LIMK1: variants seen among roughly 807,000 people sequenced by gnomAD.
LIMK1 encodes the protein LIM motif-containing protein kinase.
In LIMK1, 21 loss-of-function variants were observed where a neutral mutation model predicts 77.6. The ratio of observed to expected loss-of-function variants is 0.27; its 90% CI spans 0.19 to 0.39. The LOEUF (loss-of-function observed/expected upper bound fraction) is 0.39, where lower values mean the gene tolerates loss of function less well. LIMK1 is among the 10% of genes least tolerant of loss of function. LIMK1 has a pLI of 1.00. For missense variants in LIMK1, 696 were observed against 901.6 expected, an observed-to-expected ratio of 0.77 and a Z score of 2.92; for synonymous variants, 358 against 370.0, an observed-to-expected ratio of 0.97 and a Z score of 0.37.
At chr7:74,098,959 TG>T (rs2115670571) in intron 4 of LIMK1, 72 bp from the exon 5 acceptor site, 8 of 1,201,444 alleles carry the variant, frequency 6.7e-6, no homozygotes, top group African/African-American at 4.5e-5. Context: ...AGCCTGGGGC[TG>T]GGGGCTGCAG....
At chr7:74,085,970 C>CTTAA (rs782076380) in intron 2 of LIMK1, 126 bp downstream of exon 2, 2 of 652,424 alleles carry the variant, frequency 3.1e-6, no homozygotes, top group Non-Finnish European at 5.4e-6. Flanking sequence ...ACTTCGTGGC[C>CTTAA]TTAATTTACC....
intron 2 of LIMK1, among the ~76,000 whole-genome samples, chr7:74,093,801 G>A (rs782067536): frequency 2.6e-5 from 4 of 152,170 alleles, no homozygotes; most frequent in East Asian, 1.9e-4. Flanking sequence ...AGTACCTGGC[G>A]CACCTCCCTT....
intron 8 of LIMK1, 150 bp from the exon 9 acceptor site, chr7:74,107,721 C>T (rs2115712741): frequency 6.5e-6 from 4 of 613,800 alleles, no homozygotes; most frequent in East Asian, 5.6e-5. Flanking sequence ...ACATCCCATC[C>T]ACTTGGGTAT....
At chr7:74,093,094 C>T (rs1462876432) in intron 2 of LIMK1, 2 of 1,401,458 alleles carry the variant, frequency 1.4e-6, no homozygotes, top group Non-Finnish European at 1.9e-6. Flanking sequence ...CCCTGGCACC[C>T]ACGCGGCTGC....
At chr7:74,119,813 C>G (rs1178594855) in intron 13 of LIMK1, among the ~76,000 whole-genome samples, 8 of 152,046 alleles carry the variant, frequency 5.3e-5, no homozygotes, top group Admixed American at 5.2e-4. Flanking sequence ...GAAATTGAGG[C>G]AGGAGAATCG....
intron 7 of LIMK1, among the ~76,000 whole-genome samples, chr7:74,106,589 A>G (rs1799579187): frequency 6.6e-6 from 1 of 152,112 alleles, no homozygotes; most frequent in South Asian, 2.1e-4. Context: ...GGGAAACCTC[A>G]TCTTTACTGA....
chr7:74,104,375 C>T (rs774600966), intron 5 of LIMK1, among the ~76,000 whole-genome samples: 1 of 151,990 alleles, frequency 6.6e-6, no homozygotes, highest in African/African-American at 2.4e-5. Flanking sequence ...CCTATAATCC[C>T]AGCACTTTGG....
chr7:74,102,921 C>T (rs1394770386), intron 5 of LIMK1, among the ~76,000 whole-genome samples: 1 of 148,212 alleles, frequency 6.7e-6, no homozygotes. Context: ...CAGGTTGGAG[C>T]GCAATGGCGC....
In LIMK1 at chr7:74,106,125, G is replaced by A; in HGVS notation, c.763G>A (p.Glu255Lys). Residue 255 changes from glutamate (E) to lysine (K), a missense_variant, in exon 7 of 16, where the codon GAG (glutamate) becomes AAG (lysine). Glu to Lys is a moderately conservative substitution (Grantham distance 56). This residue lies in a region of LIMK1 where 438 missense variants were observed against 602.3 expected (regional missense o/e 0.73). Transcript: ENST00000336180. The stretch of plus-strand genomic sequence containing the variant: ...CAGCCGCCTGCTCCAGCTGACCCTC[G>A]AGCATGACCCTCACGATACACTGGG... ...ETSRLLQLTL[E>K]HDPHDTLGHG... The A allele has an allele frequency of 1.2e-6, 2 of 1,613,992 alleles. No homozygotes were observed. Among genetic ancestry groups the A allele is most frequent in the Non-Finnish European group, 1.7e-6 (2 of 1,180,006 alleles).
At chr7:74,109,217 A>G in intron 10 of LIMK1, 181 bp downstream of exon 10, 1 of 602,412 alleles carries the variant, frequency 1.7e-6, no homozygotes, top group Non-Finnish European at 3.1e-6. Context: ...AGGAAAGGCC[A>G]GGTACAATGG....
intron 2 of LIMK1, among the ~76,000 whole-genome samples, chr7:74,086,647 CTA>C (rs1799142808): frequency 6.6e-6 from 1 of 152,156 alleles, no homozygotes; most frequent in Non-Finnish European, 1.5e-5. Context: ...CAGGCGTGAG[CTA>C]ACGCCTTGGC....
Position 74,099,038 on chromosome 7 carries a change from C to G in LIMK1, c.408C>G (p.His136Gln). 3 of 1,608,516 alleles carry G rather than the reference C, an allele frequency of 1.9e-6. No individual in the cohort carries two copies. Among genetic ancestry groups the G allele is most frequent in the Non-Finnish European group, 2.5e-6 (3 of 1,177,494 alleles). ...ACCCCGGCGGCTCTTGCAGCGGGCA[C>G]TGCTACTACCAGACTGTGGTGACCC... ...LVEHSKLYCG[H>Q]CYYQTVVTPV... is the part of the protein sequence containing the mutation. Residue 136 changes from histidine to glutamine, a missense_variant, in exon 5 of 16, where the codon CAC becomes CAG. By Grantham distance (24) the His-to-Gln change is conservative. Transcript: ENST00000336180.
intron 2 of LIMK1, among the ~76,000 whole-genome samples, chr7:74,091,585 G>A (rs539473023): frequency 8.5e-5 from 13 of 152,320 alleles, no homozygotes; most frequent in South Asian, 4.1e-4. Flanking sequence ...CTCACAGCGC[G>A]TGAGGAGTAG....
chr7:74,107,175 C>T lies in LIMK1; in HGVS notation c.1047C>T (p.Cys349=). ...ACGGGGAGGTGCTGGGCAAGGGCTG[C>T]TTCGGCCAGGCTATCAAGGTACAGA... ...LIHGEVLGKG[C]FGQAIKVTHR... The change falls in exon 8 of 16, where the codon TGC becomes TGT. Residue 349 remains cysteine (C), a synonymous_variant. Coordinates refer to ENST00000336180, the MANE Select transcript of LIMK1 (RefSeq NM_002314.4). The T allele has an allele frequency of 6.2e-7, 1 of 1,611,044 alleles. No homozygotes were observed. The highest frequency in any genetic ancestry group is 8.5e-7 in the Non-Finnish European group (1 of 1,179,144).
intron 2 of LIMK1, among the ~76,000 whole-genome samples, chr7:74,089,274 G>A (rs1436728408): frequency 1.3e-5 from 2 of 152,026 alleles, no homozygotes; most frequent in African/African-American, 2.4e-5. Context: ...TTTGGGAGGC[G>A]GAGGCAGGTG....
intron 13 of LIMK1, among the ~76,000 whole-genome samples, chr7:74,120,227 C>A (rs1244580979): frequency 6.6e-6 from 1 of 152,250 alleles, no homozygotes; most frequent in African/African-American, 2.4e-5. Context: ...ATCCCATCTG[C>A]AAAAGACCCT....
At chr7:74,120,252 A>G (rs1799903024) in intron 13 of LIMK1, among the ~76,000 whole-genome samples, 1 of 152,228 alleles carries the variant, frequency 6.6e-6, no homozygotes, top group Non-Finnish European at 1.5e-5. Context: ...CTGACCCAGT[A>G]ACATTCACAG....
intron 13 of LIMK1, among the ~76,000 whole-genome samples, chr7:74,117,008 A>C: frequency 6.6e-6 from 1 of 151,778 alleles, no homozygotes; most frequent in East Asian, 1.9e-4. Flanking sequence ...CAGCCTCCCG[A>C]GTAGCTGGGA....
rs377306326 is a variant in LIMK1, at chr7:74,111,978, C to T, written c.1390C>T (p.His464Tyr). ...MNIIHRDLNS[H>Y]NCLVRENKNV... ...CATCATCCACCGAGACCTCAACTCC[C>T]ACAACTGCCTGGTCCGCGAGGTGAG... is the stretch of plus-strand genomic sequence containing the variant. The change falls in exon 12 of 16, where the codon CAC becomes TAC. Residue 464 changes from histidine (H) to tyrosine (Y), a missense_variant. By Grantham distance (83) the His-to-Tyr change is moderately conservative. Coordinates refer to ENST00000336180, the MANE Select transcript of LIMK1 (RefSeq NM_002314.4). 19 of 1,612,072 alleles carry T rather than the reference C, an allele frequency of 1.2e-5. No individual in the cohort carries two copies. The highest frequency in any genetic ancestry group is 3.3e-5 in the South Asian group (3 of 90,940).
Sources: gnomAD v4.1 joint callset for allele counts (sites outside exome capture counted in the v4.1 genomes callset) on GRCh38, gnomAD v4.1.1 for gene constraint, gnomAD v4.1.1 regional missense constraint, MANE v1.5 for transcripts, NCBI Gene and HGNC (gene_info 2026-07-23, HGNC 2026-07-21) for gene names.